The following MAPT variants were observed in gnomAD, a reference collection of about 807,000 sequenced individuals.
The protein encoded by MAPT is microtubule-associated protein tau.
In MAPT, 34 loss-of-function variants were observed where a neutral mutation model predicts 67.9. That is an observed-to-expected ratio of 0.50 (90% confidence interval 0.38 to 0.67). The LOEUF is 0.67. MAPT is among the 30% of genes least tolerant of loss of function. The pLI is 0.00. For missense variants in MAPT, 881 were observed against 1,115.2 expected (o/e 0.79, Z 2.99); for synonymous variants, 456 against 464.5 (o/e 0.98, Z 0.23).
At chr17:46,022,892 A>ATGAC (rs1253368112) in intron 12 of MAPT, among the ~76,000 whole-genome samples, 1 of 151,388 alleles carries the variant, frequency 6.6e-6, no homozygotes, top group African/African-American at 2.5e-5. Flanking sequence ...AGATAGGTAG[A>ATGAC]TGATTGATAG....
intron 1 of MAPT, among the ~76,000 whole-genome samples, chr17:45,934,636 C>T (rs1387624987): frequency 1.3e-5 from 2 of 152,172 alleles, no homozygotes; most frequent in African/African-American, 2.4e-5. Context: ...CGTGGACTTG[C>T]GCACGTAACC....
At chr17:45,922,519 A>G (rs946221227) in intron 1 of MAPT, among the ~76,000 whole-genome samples, 3 of 151,872 alleles carry the variant, frequency 2.0e-5, no homozygotes, top group Non-Finnish European at 4.4e-5. Flanking sequence ...ACACACACAC[A>G]GAGTGGTCTT....
intron 1 of MAPT, among the ~76,000 whole-genome samples, chr17:45,905,367 G>T (rs1030971881): frequency 1.3e-5 from 2 of 152,234 alleles, no homozygotes; most frequent in African/African-American, 4.8e-5. Context: ...GGCCAGTGGC[G>T]GCTGCACTCT....
chr17:45,948,947 C>A (rs1446900113), intron 1 of MAPT, among the ~76,000 whole-genome samples: 1 of 152,202 alleles, frequency 6.6e-6, no homozygotes, highest in Non-Finnish European at 1.5e-5. Flanking sequence ...TTTATCTCTG[C>A]TTGGTCTTCA....
chr17:45,987,089 A>G lies in MAPT; in HGVS notation c.1401A>G (p.Lys467=), dbSNP rs1211465602. The G allele has an allele frequency of 4.3e-6, 7 of 1,613,938 alleles. No individual in the cohort carries two copies. Among genetic ancestry groups the G allele is most frequent in the Non-Finnish European group, 5.9e-6 (7 of 1,179,944 alleles). Residue 467 remains lysine (K), a synonymous_variant, in exon 6 of 13, where the codon AAA becomes AAG. Transcript: ENST00000262410. ...ACGGGACTGGAAGCGATGACAAAAA[A>G]GCCAAGGTAAGCTGACGATGCCACG... is the stretch of plus-strand genomic sequence containing the variant. The part of the protein sequence containing the change: ...SKDGTGSDDK[K]AKTSTRSSAK...
At chr17:46,014,007 G>A (rs1232708370) in intron 10 of MAPT, among the ~76,000 whole-genome samples, 1 of 152,092 alleles carries the variant, frequency 6.6e-6, no homozygotes, top group Non-Finnish European at 1.5e-5. Context: ...CAGTCCCACA[G>A]TCCCCAGCTC....
intron 1 of MAPT, among the ~76,000 whole-genome samples, chr17:45,911,071 T>G (rs2064753161): frequency 6.6e-6 from 1 of 152,254 alleles, no homozygotes; most frequent in Non-Finnish European, 1.5e-5. Flanking sequence ...TGAGTTTCTA[T>G]CCTTCTAGTT....
At chr17:45,985,558 C>T (rs2073455227) in intron 5 of MAPT, 1 of 366,170 alleles carries the variant, frequency 2.7e-6, no homozygotes, top group Admixed American at 6.4e-5. Context: ...TGCTGCAGGA[C>T]TTGTCAGAGC....
intron 1 of MAPT, among the ~76,000 whole-genome samples, chr17:45,941,720 T>TTCCC: frequency 7.6e-6 from 1 of 131,852 alleles, no homozygotes; most frequent in South Asian, 2.7e-4. Flanking sequence ...CCTTCCTTCC[T>TTCCC]TCCTTCCTTC....
intron 1 of MAPT, among the ~76,000 whole-genome samples, chr17:45,938,554 A>G (rs1452359011): frequency 1.3e-5 from 2 of 152,196 alleles, no homozygotes; most frequent in African/African-American, 4.8e-5. Context: ...CCTCTTTGCC[A>G]TGTACAGTGA....
chr17:45,903,959 T>TTATATATTTATATATAA (rs2063892200), intron 1 of MAPT, among the ~76,000 whole-genome samples: 1 of 18,534 alleles, frequency 5.4e-5, no homozygotes, highest in African/African-American at 1.9e-4. Context: ...ATATTATATA[T>TTATATATTTATATATAA]TATATATTAT....
chr17:45,926,501 A>G (rs1267358180), intron 1 of MAPT, among the ~76,000 whole-genome samples: 1 of 151,508 alleles, frequency 6.6e-6, no homozygotes, highest in Non-Finnish European at 1.5e-5. Context: ...ATTTTTAGAG[A>G]TGGTGTTTAC....
chr17:45,941,371 T>A (rs1286050095), intron 1 of MAPT, among the ~76,000 whole-genome samples: 5 of 152,134 alleles, frequency 3.3e-5, no homozygotes, highest in African/African-American at 1.2e-4. Flanking sequence ...CCCAGAAGCC[T>A]CTCAGACACA....
chr17:46,020,210 G>A (rs917031890), intron 12 of MAPT, among the ~76,000 whole-genome samples: 6 of 152,154 alleles, frequency 3.9e-5, no homozygotes, highest in Admixed American at 2.6e-4. Context: ...CAAAGCCTCT[G>A]CCTGCCTGTC....
intron 10 of MAPT, among the ~76,000 whole-genome samples, chr17:46,012,754 C>T (rs1458816217): frequency 6.6e-6 from 1 of 150,874 alleles, no homozygotes; most frequent in Non-Finnish European, 1.5e-5. Context: ...CCTGTCCCAG[C>T]CCCCCTCCCC....
At chr17:45,992,618 G>A (rs2074152832) in intron 8 of MAPT, among the ~76,000 whole-genome samples, 1 of 152,214 alleles carries the variant, frequency 6.6e-6, no homozygotes, top group African/African-American at 2.4e-5. Flanking sequence ...GCTGGGCGTG[G>A]TGGCTCATGC....
chr17:45,937,786 G>C (rs8073070), intron 1 of MAPT, among the ~76,000 whole-genome samples: 6,685 of 152,100 alleles, frequency 0.044, 505 homozygotes, highest in African/African-American at 0.15. Flanking sequence ...AGAAAGGAAG[G>C]CTGCCCCTAA....
chr17:46,015,465 C>A (rs1341898122), intron 11 of MAPT, among the ~76,000 whole-genome samples: 2 of 152,028 alleles, frequency 1.3e-5, no homozygotes, highest in Non-Finnish European at 2.9e-5. Context: ...ATAGACCATC[C>A]TGGCTAACAC....
intron 1 of MAPT, among the ~76,000 whole-genome samples, chr17:45,952,668 C>T (rs1242484624): frequency 6.6e-6 from 1 of 152,020 alleles, no homozygotes; most frequent in East Asian, 1.9e-4. Flanking sequence ...TACCTGTGGT[C>T]CCAGCTTCTC....
Sources: allele counts gnomAD v4.1 joint callset (sites outside exome capture counted in the v4.1 genomes callset), GRCh38; gene constraint gnomAD v4.1.1; transcripts MANE v1.5; gene names NCBI Gene and HGNC (gene_info 2026-07-23, HGNC 2026-07-21).